The following SCN8A variants were observed in gnomAD, a reference collection of about 807,000 sequenced individuals.
SCN8A encodes sodium voltage-gated channel alpha subunit 8.
Under a neutral mutation model 184.1 loss-of-function variants are expected in SCN8A, and 30 were observed. The ratio of observed to expected loss-of-function variants is 0.16; its 90% CI spans 0.12 to 0.22. The LOEUF (loss-of-function observed/expected upper bound fraction) is 0.22, where lower values mean the gene tolerates loss of function less well. Among genes scored for constraint, SCN8A ranks in the 10% least tolerant of loss-of-function variants. The probability of loss-of-function intolerance (pLI) is 1.00; values close to 1 mark genes in which losing one functional copy is unlikely to be tolerated. For missense variants in SCN8A, 1,057 were observed against 2,498.9 expected (o/e 0.42, Z 12.30); for synonymous variants, 852 against 907.0 (o/e 0.94, Z 1.09).
At chr12:51,658,939 C>G (rs1442041309) in intron 1 of SCN8A, among the ~76,000 whole-genome samples, 1 of 152,092 alleles carries the variant, frequency 6.6e-6, no homozygotes, top group African/African-American at 2.4e-5. Flanking sequence ...AGGAATATTA[C>G]TAAAGCTAAA....
At chr12:51,602,813 C>T (rs1019211050) in intron 1 of SCN8A, among the ~76,000 whole-genome samples, 1 of 152,128 alleles carries the variant, frequency 6.6e-6, no homozygotes. Flanking sequence ...AGTGGGAGAC[C>T]TATTCCTATT....
rs927399451 is a variant in SCN8A, at chr12:51,808,247, G to A, written c.*818G>A. The A allele has an allele frequency of 1.1e-4, 17 of 152,602 alleles. No individual in the cohort carries two copies. The highest frequency in any genetic ancestry group is 3.9e-4 in the African/African-American group (16 of 41,414). 9.5% of individuals were successfully genotyped at this position (152,602 alleles called of 1,614,324 possible). A position where few individuals can be genotyped will look rare whatever the true frequency, so the allele number is the denominator to read the frequency against. On this transcript the variant is annotated 3_prime_UTR_variant, in exon 27 of 27. Transcript: ENST00000627620. Reference sequence around the variant, plus strand: ...TTCCATACCGGCTACAATTCTTTGAGTTCTTAAAAGTCCTTCATACACCTT... The same window carrying A: ...TTCCATACCGGCTACAATTCTTTGAATTCTTAAAAGTCCTTCATACACCTT...
intron 13 of SCN8A, among the ~76,000 whole-genome samples, chr12:51,750,036 G>T (rs2138836146): frequency 6.6e-6 from 1 of 152,270 alleles, no homozygotes; most frequent in Admixed American, 6.5e-5. Context: ...GTTATGTAGG[G>T]CTTCATACCT....
chr12:51,766,222 A>T (rs1237871642), intron 16 of SCN8A, 195 bp downstream of exon 16: 7 of 609,408 alleles, frequency 1.1e-5, no homozygotes, highest in Non-Finnish European at 2.0e-5. Flanking sequence ...CTACTTAGTC[A>T]TGACCCCCAC....
chr12:51,727,903 T>C (rs767110634), intron 12 of SCN8A, among the ~76,000 whole-genome samples: 8 of 151,956 alleles, frequency 5.3e-5, no homozygotes, highest in Non-Finnish European at 1.2e-4. Context: ...TGAGTGAAGA[T>C]TGCACCACTG....
chr12:51,600,803 T>C (rs1195164653), intron 1 of SCN8A, among the ~76,000 whole-genome samples: 1 of 152,214 alleles, frequency 6.6e-6, no homozygotes, highest in East Asian at 1.9e-4. Flanking sequence ...TTTAATGCAA[T>C]TTTTAAATCT....
Position 51,650,475 on chromosome 12 carries a change from C to T in SCN8A, c.-54-12289C>T, listed in dbSNP as rs375868676. ...TACAGTTCCACATGGCTGAGGAGGCCTCACGATCATGGCGGGAGGCAAAAG... is the reference window on the plus strand; with the variant it reads ...TACAGTTCCACATGGCTGAGGAGGCTTCACGATCATGGCGGGAGGCAAAAG... On this transcript the variant is annotated intron_variant, in intron 1 of 26. Coordinates refer to ENST00000627620, the MANE Select transcript of SCN8A (RefSeq NM_001330260.2). 8.6e-5 allele frequency among the ~76,000 whole-genome samples: 13 copies of T among 151,652 alleles called. No individual in the cohort carries two copies. In the South Asian group the frequency reaches 1.5e-3, roughly 17 times the overall value.
At chr12:51,654,488 T>C (rs1940782284) in intron 1 of SCN8A, among the ~76,000 whole-genome samples, 1 of 152,240 alleles carries the variant, frequency 6.6e-6, no homozygotes, top group South Asian at 2.1e-4. Flanking sequence ...TTGTCAAAAA[T>C]CATTTGACCA....
intron 5 of SCN8A, 200 bp from the exon 6 acceptor site, chr12:51,688,805 C>T: frequency 6.2e-7 from 1 of 1,613,964 alleles, no homozygotes; most frequent in Non-Finnish European, 8.5e-7. Context: ...GCTCTACGCA[C>T]TTTCAGGGTA....
chr12:51,615,343 C>A (rs1188947004), intron 1 of SCN8A, among the ~76,000 whole-genome samples: 3 of 151,988 alleles, frequency 2.0e-5, no homozygotes, highest in Non-Finnish European at 4.4e-5. Flanking sequence ...TCGCTTGAGC[C>A]CAGGAATTTG....
At chr12:51,782,163 C>T (rs2138895746) in intron 21 of SCN8A, among the ~76,000 whole-genome samples, 1 of 152,346 alleles carries the variant, frequency 6.6e-6, no homozygotes, top group East Asian at 1.9e-4. Context: ...GCAGGAAGGG[C>T]AGTTCCACAG....
intron 12 of SCN8A, among the ~76,000 whole-genome samples, chr12:51,740,456 C>T (rs1942404016): frequency 1.3e-5 from 2 of 152,130 alleles, no homozygotes; most frequent in African/African-American, 4.8e-5. Context: ...GTATCATTTC[C>T]AAAATTCCTC....
intron 12 of SCN8A, among the ~76,000 whole-genome samples, chr12:51,732,559 T>C (rs1196212712): frequency 6.6e-6 from 1 of 152,184 alleles, no homozygotes; most frequent in East Asian, 1.9e-4. Context: ...TCTGGGTCTT[T>C]TGTGATTTTA....
chr12:51,706,275 A>G, intron 10 of SCN8A, 147 bp from the exon 11 acceptor site: 1 of 681,084 alleles, frequency 1.5e-6, no homozygotes, highest in Non-Finnish European at 2.3e-6. Flanking sequence ...GCCAGAATAC[A>G]CAGAAACCCT....
At chr12:51,773,343 A>C (rs1341370516) in intron 19 of SCN8A, among the ~76,000 whole-genome samples, 2 of 152,216 alleles carry the variant, frequency 1.3e-5, no homozygotes, top group Non-Finnish European at 2.9e-5. Flanking sequence ...GCAGATGGGA[A>C]TGCTCACACC....
At position 51,687,115 on chromosome 12, in the gene SCN8A, A is replaced by T; in HGVS notation, c.510A>T (p.Thr170=). The change falls in exon 5 of 27, where the codon ACA becomes ACT. Residue 170 remains threonine (T), a synonymous_variant. Coordinates refer to ENST00000627620, the MANE Select transcript of SCN8A (RefSeq NM_001330260.2). ...NVEYTFTGIY[T]FESLVKIIAR... ...GGTACACGTTCACAGGGATTTATAC[A>T]TTTGAATCACTAGTGAAAATCATTG... The T allele has an allele frequency of 6.2e-7, 1 of 1,613,460 alleles. No homozygotes were observed. The highest frequency in any genetic ancestry group is 8.5e-7 in the Non-Finnish European group (1 of 1,179,506).
At chr12:51,792,488 CAAAAA>C (rs71092723) in intron 25 of SCN8A, among the ~76,000 whole-genome samples, 2 of 51,590 alleles carry the variant, frequency 3.9e-5, no homozygotes, top group Admixed American at 2.8e-4. Flanking sequence ...GACCCTATCT[CAAAAA>C]AAAAAAAAAA....
Position 51,721,848 on chromosome 12 carries a change from C to A in SCN8A, c.1938C>A (p.Asn646Lys), listed in dbSNP as rs186183096. 1.9e-6 allele frequency: 3 copies of A among 1,604,268 alleles called. No individual in the cohort carries two copies. Among genetic ancestry groups the A allele is most frequent in the Non-Finnish European group, 2.5e-6 (3 of 1,179,806 alleles). The change falls in exon 12 of 27, where the codon AAC (asparagine) becomes AAA (lysine). Residue 646 changes from asparagine to lysine, a missense_variant. By Grantham distance (94) the Asn-to-Lys change is moderately conservative. This residue lies in a region of SCN8A where 322 missense variants were observed against 390.1 expected (regional missense o/e 0.83). Transcript: ENST00000627620. ...SVKRNSTVDC[N>K]GVVSLIGGPG... ...AGCGCAACAGCACGGTGGACTGCAACGGCGTGGTGTCCCTCATCGGCGGCC... is the reference window on the plus strand; with the variant it reads ...AGCGCAACAGCACGGTGGACTGCAAAGGCGTGGTGTCCCTCATCGGCGGCC...
chr12:51,743,369 G>A (rs531315762), intron 12 of SCN8A, among the ~76,000 whole-genome samples: 1 of 152,236 alleles, frequency 6.6e-6, no homozygotes, highest in African/African-American at 2.4e-5. Context: ...AGGCTTTCTA[G>A]GTATTCGAAG....
Sources: gnomAD v4.1 joint callset for allele counts (sites outside exome capture counted in the v4.1 genomes callset) on GRCh38, gnomAD v4.1.1 for gene constraint, gnomAD v4.1.1 regional missense constraint, MANE v1.5 for transcripts, NCBI Gene and HGNC (gene_info 2026-07-23, HGNC 2026-07-21) for gene names.